The following ACTG2 variants were observed in gnomAD, a reference collection of about 807,000 sequenced individuals.
ACTG2 encodes actin gamma 2, smooth muscle.
In ACTG2, 16 loss-of-function variants were observed where a neutral mutation model predicts 37.6. The ratio of observed to expected loss-of-function variants is 0.43; its 90% CI spans 0.29 to 0.65. The LOEUF is 0.65. ACTG2 is among the 30% of genes least tolerant of loss of function. The pLI is 0.18. For missense variants in ACTG2, 238 were observed against 490.9 expected, an observed-to-expected ratio of 0.48 and a Z score of 4.87; for synonymous variants, 181 against 179.9, an observed-to-expected ratio of 1.01 and a Z score of -0.05.
At chr2:73,911,028 A>G (rs1033806254) in intron 5 of ACTG2, among the ~76,000 whole-genome samples, 1 of 152,076 alleles carries the variant, frequency 6.6e-6, no homozygotes, top group African/African-American at 2.4e-5. Flanking sequence ...TCATCTCCAC[A>G]TCTTGGCCCA....
chr2:73,904,773 GTGTGTATATATA>G (rs1287256076), intron 3 of ACTG2, among the ~76,000 whole-genome samples: 7 of 20,096 alleles, frequency 3.5e-4, no homozygotes, highest in East Asian at 1.1e-3. Context: ...GTGTGTGTGT[GTGTGTATATATA>G]TATATATATA....
At chr2:73,916,918 T>A (rs1221789568) in intron 8 of ACTG2, among the ~76,000 whole-genome samples, 153 bp downstream of exon 8, 1 of 152,228 alleles carries the variant, frequency 6.6e-6, no homozygotes, top group Non-Finnish European at 1.5e-5. Flanking sequence ...CCTACGGAAT[T>A]ATGTTCCTTG....
At position 73,901,256 on chromosome 2, in the gene ACTG2, C is replaced by T. The variant is rs532670077; in HGVS notation, c.-36-20C>T. ...ATTTGACAAGTGGCTGACTAGTTCT[C>T]TTCTCCCGCAAATCCCAAGGTGCTC... is the stretch of plus-strand genomic sequence containing the variant. On this transcript the variant is annotated intron_variant, in intron 1 of 8. Coordinates refer to ENST00000345517, the MANE Select transcript of ACTG2 (RefSeq NM_001615.4). 1.3e-6 allele frequency: 2 copies of T among 1,492,496 alleles called. No homozygotes were observed. The highest frequency in any genetic ancestry group is 1.8e-6 in the Non-Finnish European group (2 of 1,112,846). The allele number at this position is 1,492,496 out of a possible 1,614,324, so 92.5% of individuals were successfully genotyped here. A position where few individuals can be genotyped will look rare whatever the true frequency, so the allele number is the denominator to read the frequency against.
intron 6 of ACTG2, 104 bp from the exon 7 acceptor site, chr2:73,914,576 A>AG: frequency 1.2e-6 from 1 of 829,674 alleles, no homozygotes; most frequent in Non-Finnish European, 1.7e-6. Context: ...AAAAAAAAAA[A>AG]AGAATAAAGT....
chr2:73,908,268 CT>C, intron 3 of ACTG2: 1 of 471,278 alleles, frequency 2.1e-6, no homozygotes, highest in Non-Finnish European at 4.4e-6. Flanking sequence ...ACCCTGACTT[CT>C]TTTGCCCTCC....
intron 7 of ACTG2, among the ~76,000 whole-genome samples, chr2:73,916,365 T>G (rs1404379572): frequency 8.5e-6 from 1 of 117,064 alleles, no homozygotes; most frequent in Non-Finnish European, 1.8e-5. Context: ...CAGAGCAGAC[T>G]CCATCTCAGA....
chr2:73,901,633 C>CACAGACACACACACACACACACA, intron 2 of ACTG2, 196 bp downstream of exon 2: 1 of 993,048 alleles, frequency 1.0e-6, no homozygotes, highest in Non-Finnish European at 1.4e-6. Context: ...TGTGTGCACG[C>CACAGACACACACACACACACACA]CAGGTGTAGG....
Position 73,916,690 on chromosome 2 carries a change from C to A in ACTG2, c.912C>A (p.Thr304=). 1 of 1,614,178 alleles carries A rather than the reference C, an allele frequency of 6.2e-7. No individual in the cohort carries two copies. Among genetic ancestry groups the A allele is most frequent in the Non-Finnish European group, 8.5e-7 (1 of 1,180,030 alleles). ...CCAACAATGTCCTCTCTGGGGGCACCACCATGTACCCTGGCATTGCTGACA... is the reference window on the plus strand; with the variant it reads ...CCAACAATGTCCTCTCTGGGGGCACAACCATGTACCCTGGCATTGCTGACA... The part of the protein sequence containing the change: ...LYANNVLSGG[T]TMYPGIADRM... Residue 304 remains threonine (T), a synonymous_variant, in exon 8 of 9, where the codon ACC becomes ACA. Transcript: ENST00000345517.
intron 2 of ACTG2, 152 bp from the exon 3 acceptor site, chr2:73,902,208 T>A (rs1679906931): frequency 1.9e-5 from 16 of 846,498 alleles, no homozygotes; most frequent in Non-Finnish European, 2.9e-5. Flanking sequence ...CTCACTGGCA[T>A]CTGCTCCATC....
At chr2:73,903,374 G>A (rs910338155) in intron 3 of ACTG2, among the ~76,000 whole-genome samples, 3 of 152,178 alleles carry the variant, frequency 2.0e-5, no homozygotes, top group Non-Finnish European at 4.4e-5. Context: ...TGTGAGATAA[G>A]TACTGCACAT....
intron 3 of ACTG2, among the ~76,000 whole-genome samples, chr2:73,903,970 A>C (rs980766682): frequency 9.5e-5 from 14 of 147,254 alleles, no homozygotes; most frequent in Non-Finnish European, 1.5e-4. Flanking sequence ...CAAAAAAAAA[A>C]CCACATAATA....
At chr2:73,908,551 C>A (rs563803674) in intron 3 of ACTG2, 122 bp from the exon 4 acceptor site, 6 of 837,056 alleles carry the variant, frequency 7.2e-6, no homozygotes, top group Non-Finnish European at 1.9e-6. Context: ...TGACCATTCT[C>A]CTCTCCAGAT....
At chr2:73,915,929 C>CT (rs1680257592) in intron 7 of ACTG2, among the ~76,000 whole-genome samples, 1 of 151,844 alleles carries the variant, frequency 6.6e-6, no homozygotes, top group Non-Finnish European at 1.5e-5. Flanking sequence ...ATGGGGGTCT[C>CT]TTTTGAAGGT....
At chr2:73,895,313 G>A (rs1240265678) in intron 1 of ACTG2, among the ~76,000 whole-genome samples, 1 of 152,098 alleles carries the variant, frequency 6.6e-6, no homozygotes, top group African/African-American at 2.4e-5. Flanking sequence ...AGAAGATAAG[G>A]CACCCACGAC....
intron 3 of ACTG2, chr2:73,903,230 T>A (rs1679929575): frequency 6.5e-6 from 1 of 154,100 alleles, no homozygotes. Context: ...TGAGTGTTCT[T>A]GTTTCTGCAA....
At chr2:73,908,258 A>AC (rs1424787739) in intron 3 of ACTG2, 2 of 470,806 alleles carry the variant, frequency 4.2e-6, no homozygotes, top group East Asian at 6.9e-5. Flanking sequence ...CAGGAGATAG[A>AC]CCCTGACTTC....
intron 3 of ACTG2, among the ~76,000 whole-genome samples, chr2:73,905,729 A>T (rs1366450581): frequency 6.6e-6 from 1 of 152,152 alleles, no homozygotes; most frequent in African/African-American, 2.4e-5. Flanking sequence ...AAGTCTTCCA[A>T]TTGCTATGTT....
intron 3 of ACTG2, chr2:73,908,146 G>T: frequency 5.0e-6 from 2 of 396,932 alleles, no homozygotes; most frequent in Non-Finnish European, 1.0e-5. Context: ...ACATGAAGGG[G>T]TCAGGTGACG....
Position 73,919,635 on chromosome 2 carries a change from T to C in ACTG2, c.*60T>C. On this transcript the variant is annotated 3_prime_UTR_variant, in exon 9 of 9. Coordinates refer to ENST00000345517, the MANE Select transcript of ACTG2 (RefSeq NM_001615.4). Reference sequence around the variant, plus strand: ...CTACTCTGTTACCAGTCATGAAACATTAAAACCTACAAGCCTTACTTCTCT... The same window carrying C: ...CTACTCTGTTACCAGTCATGAAACACTAAAACCTACAAGCCTTACTTCTCT... 6.4e-7 allele frequency: 1 copy of C among 1,570,698 alleles called. No homozygotes were observed. The highest frequency in any genetic ancestry group is 8.7e-7 in the Non-Finnish European group (1 of 1,154,334).
Sources: gnomAD v4.1 joint callset for allele counts (sites outside exome capture counted in the v4.1 genomes callset) on GRCh38, gnomAD v4.1.1 for gene constraint, MANE v1.5 for transcripts, NCBI Gene and HGNC (gene_info 2026-07-23, HGNC 2026-07-21) for gene names.